Variants in TBC1D5 observed in about 807,000 individuals in gnomAD.
TBC1D5 encodes TBC1 domain family, member 5.
TBC1D5 carries 75 observed loss-of-function variants against 100.3 expected under a neutral mutation model. The ratio of observed to expected loss-of-function variants is 0.75; its 90% CI spans 0.62 to 0.91. The LOEUF (loss-of-function observed/expected upper bound fraction) is 0.91, where lower values mean the gene tolerates loss of function less well. Among genes scored for constraint, TBC1D5 ranks in the 40% least tolerant of loss-of-function variants. The pLI, the probability that TBC1D5 is intolerant of heterozygous loss-of-function variation, is 0.00. For missense variants in TBC1D5, 910 were observed against 942.4 expected (o/e 0.97, Z 0.45); for synonymous variants, 323 against 325.6 (o/e 0.99, Z 0.09).
At chr3:17,350,864 G>C (rs1018311339) in intron 13 of TBC1D5, among the ~76,000 whole-genome samples, 3 of 152,040 alleles carry the variant, frequency 2.0e-5, no homozygotes, top group African/African-American at 7.2e-5. Context: ...CTATACAACA[G>C]AATCATTTAC....
intron 2 of TBC1D5, among the ~76,000 whole-genome samples, chr3:17,552,175 C>T (rs1466137741): frequency 1.3e-5 from 2 of 151,348 alleles, no homozygotes; most frequent in Admixed American, 1.3e-4. Flanking sequence ...AACACAAGGA[C>T]CTATGATCTT....
rs141655919 is a variant in TBC1D5 at position 17,270,469 on chromosome 3, A to G, written c.1246-11878T>C. 1.0e-3 allele frequency among the ~76,000 whole-genome samples: 156 copies of G among 152,314 alleles called. 1 individual carries two copies. Among genetic ancestry groups the G allele is most frequent in the African/African-American group, 3.5e-3 (145 of 41,592 alleles). ...AGATTGAGCTCTTCAGAAGTAGACAAGAAGTAGACTTACAGTGAAGTAAGT... is the reference window on the plus strand; with the variant it reads ...AGATTGAGCTCTTCAGAAGTAGACAGGAAGTAGACTTACAGTGAAGTAAGT... On this transcript the variant is annotated intron_variant, in intron 15 of 21. Transcript: ENST00000253692.
At chr3:17,253,375 A>G (rs2077337250) in intron 16 of TBC1D5, among the ~76,000 whole-genome samples, 1 of 152,218 alleles carries the variant, frequency 6.6e-6, no homozygotes, top group Non-Finnish European at 1.5e-5. Context: ...GGTACAACTA[A>G]AGTGCTCTTT....
chr3:17,473,763 T>A lies in TBC1D5; in HGVS notation c.97+34711A>T, dbSNP rs533594529. 7.2e-5 allele frequency among the ~76,000 whole-genome samples: 11 copies of A among 152,350 alleles called. No individual in the cohort carries two copies. The South Asian group carries it at 2.1e-3, about 29-fold the overall frequency. On this transcript the variant is annotated intron_variant, in intron 3 of 21. Coordinates refer to ENST00000253692, the Ensembl canonical transcript of TBC1D5. Reference sequence around the variant, plus strand: ...CTTTTTAATTTACTGAAGTGTTTTTTAAAAGTAAACAAAATAAAATTTTAG... The same window carrying A: ...CTTTTTAATTTACTGAAGTGTTTTTAAAAAGTAAACAAAATAAAATTTTAG...
intron 19 of TBC1D5, among the ~76,000 whole-genome samples, chr3:17,175,730 CTT>C (rs2067647657): frequency 6.6e-6 from 1 of 152,204 alleles, no homozygotes; most frequent in Non-Finnish European, 1.5e-5. Context: ...AAGTAAGACT[CTT>C]TGAACTGGGC....
At chr3:17,298,899 G>A (rs75484124) in intron 14 of TBC1D5, among the ~76,000 whole-genome samples, 6,466 of 152,222 alleles carry the variant, frequency 0.042, 224 homozygotes, top group African/African-American at 0.091. Flanking sequence ...TTTTTAGGAT[G>A]TGTTCTGAGA....
intron 18 of TBC1D5, among the ~76,000 whole-genome samples, chr3:17,189,870 C>T (rs1381813267): frequency 1.3e-5 from 2 of 152,176 alleles, no homozygotes; most frequent in Non-Finnish European, 2.9e-5. Context: ...AAATTGTTTT[C>T]CTTCAAAAAC....
At chr3:17,171,474 T>C (rs2067163640) in intron 19 of TBC1D5, among the ~76,000 whole-genome samples, 1 of 152,196 alleles carries the variant, frequency 6.6e-6, no homozygotes, top group African/African-American at 2.4e-5. Flanking sequence ...AGGGCTATGC[T>C]TCCTCCAAAG....
chr3:17,398,609 C>A (rs945300340), intron 8 of TBC1D5, among the ~76,000 whole-genome samples: 1 of 152,070 alleles, frequency 6.6e-6, no homozygotes, highest in African/African-American at 2.4e-5. Context: ...TTGGTGATAA[C>A]CAGTGAGACA....
chr3:17,288,586 A>G (rs780824120), intron 15 of TBC1D5, among the ~76,000 whole-genome samples: 1 of 151,996 alleles, frequency 6.6e-6, no homozygotes, highest in Non-Finnish European at 1.5e-5. Flanking sequence ...CATTTTTTGC[A>G]TACTCACAAA....
intron 15 of TBC1D5, among the ~76,000 whole-genome samples, chr3:17,280,423 C>T (rs2080455096): frequency 6.6e-6 from 1 of 152,142 alleles, no homozygotes; most frequent in African/African-American, 2.4e-5. Context: ...TCCAAAACCA[C>T]CCACGGCCTG....
intron 15 of TBC1D5, among the ~76,000 whole-genome samples, chr3:17,284,062 C>T (rs550838508): frequency 7.1e-6 from 1 of 141,410 alleles, no homozygotes; most frequent in South Asian, 2.2e-4. Context: ...CTTCTCTCAG[C>T]CCAGATTCTA....
exon 21 of TBC1D5, chr3:17,166,857 G>A: frequency 1.2e-6 from 2 of 1,614,208 alleles, no homozygotes; most frequent in Non-Finnish European, 1.7e-6. Context: ...CCGCAATGGT[G>A]ATCTGTTCGT....
At chr3:17,198,387 C>A (rs1286700800) in intron 18 of TBC1D5, among the ~76,000 whole-genome samples, 1 of 152,092 alleles carries the variant, frequency 6.6e-6, no homozygotes, top group Non-Finnish European at 1.5e-5. Flanking sequence ...GTTGAAAACG[C>A]CTTTAAGATA....
intron 3 of TBC1D5, among the ~76,000 whole-genome samples, chr3:17,476,289 T>A (rs1380879306): frequency 6.6e-6 from 1 of 152,048 alleles, no homozygotes; most frequent in Non-Finnish European, 1.5e-5. Context: ...ATTTAAGTTT[T>A]TAATTTAGGA....
intron 19 of TBC1D5, among the ~76,000 whole-genome samples, chr3:17,169,356 A>G (rs2066946482): frequency 6.6e-6 from 1 of 152,262 alleles, no homozygotes; most frequent in African/African-American, 2.4e-5. Context: ...CTTGCATATC[A>G]AAACACTACT....
intron 2 of TBC1D5, among the ~76,000 whole-genome samples, chr3:17,570,213 A>AT (rs568697397): frequency 4.6e-5 from 7 of 152,142 alleles, no homozygotes; most frequent in African/African-American, 1.7e-4. Flanking sequence ...AAAAATAGTA[A>AT]GCAAGAACCA....
exon 5 of TBC1D5, chr3:17,406,447 T>C: frequency 6.8e-6 from 11 of 1,611,044 alleles, no homozygotes; most frequent in Non-Finnish European, 8.5e-6. Flanking sequence ...AACCTGCTGC[T>C]TCTCAGCTGC....
At chr3:17,160,168 T>C (rs2065911004) in exon 22 of TBC1D5, 1 of 152,250 alleles carries the variant, frequency 6.6e-6, no homozygotes, top group Non-Finnish European at 1.5e-5. Flanking sequence ...GTAATCTTGT[T>C]TTCTGGCTAT....
Sources: gnomAD v4.1 joint callset for allele counts (sites outside exome capture counted in the v4.1 genomes callset) on GRCh38, gnomAD v4.1.1 for gene constraint, MANE v1.5 for transcripts, NCBI Gene and HGNC (gene_info 2026-07-23, HGNC 2026-07-21) for gene names.